Variants in NREP observed in about 807,000 individuals in gnomAD.
NREP encodes the protein neuronal regeneration-related protein.
NREP carries 5 observed loss-of-function variants against 8.6 expected under a neutral mutation model. The ratio of observed to expected loss-of-function variants is 0.58; its 90% CI spans 0.30 to 1.22. The LOEUF (loss-of-function observed/expected upper bound fraction) is 1.22. Among genes scored for constraint, NREP ranks in the 50% most tolerant of loss-of-function variants. The pLI is 0.07. For missense variants in NREP, 86 were observed against 82.5 expected (o/e 1.04, Z -0.17); for synonymous variants, 27 against 28.0 (o/e 0.96, Z 0.11).
chr5:111,764,440 A>C (rs1248615223), intron 2 of NREP, among the ~76,000 whole-genome samples: 2 of 152,224 alleles, frequency 1.3e-5, no homozygotes, highest in African/African-American at 4.8e-5. Context: ...GGCAAGAAGG[A>C]GCAAGTCACA....
At chr5:111,797,528 C>A (rs533231255) in intron 2 of NREP, among the ~76,000 whole-genome samples, 2 of 152,294 alleles carry the variant, frequency 1.3e-5, no homozygotes, top group South Asian at 4.1e-4. Flanking sequence ...TAAATATATA[C>A]TTTCTTTTAC....
chr5:111,941,079 A>G lies in NREP; in HGVS notation c.135+34195T>C, dbSNP rs577026345. On this transcript the variant is annotated intron_variant, in intron 2 of 3. Transcript: ENST00000395634. ...GGTTGTTGCTGGGAGAAACCACAGA[A>G]TAACTATGGGATCCCAGAAATCTCT... 5.2e-4 allele frequency among the ~76,000 whole-genome samples: 79 copies of G among 152,230 alleles called. 1 individual carries two copies. The highest frequency in any genetic ancestry group is 1.0e-3 in the Non-Finnish European group (70 of 67,972).
At chr5:111,784,662 C>T (rs1038089797) in intron 2 of NREP, among the ~76,000 whole-genome samples, 8 of 152,076 alleles carry the variant, frequency 5.3e-5, no homozygotes, top group Non-Finnish European at 5.9e-5. Flanking sequence ...TTCTCAAGGT[C>T]CTTAGTATAT....
intron 2 of NREP, among the ~76,000 whole-genome samples, chr5:111,956,811 A>G (rs1316994833): frequency 6.6e-6 from 1 of 151,998 alleles, no homozygotes; most frequent in Non-Finnish European, 1.5e-5. Context: ...TAAAAATACA[A>G]AAGTTAGCCA....
intron 2 of NREP, among the ~76,000 whole-genome samples, chr5:111,835,251 T>C (rs999718594): frequency 6.6e-6 from 1 of 152,120 alleles, no homozygotes; most frequent in Admixed American, 6.6e-5. Flanking sequence ...CTGGGCACAG[T>C]GCAGTAGCTA....
chr5:111,909,580 G>A (rs556984111), intron 2 of NREP, among the ~76,000 whole-genome samples: 60 of 152,200 alleles, frequency 3.9e-4, no homozygotes, highest in African/African-American at 1.4e-3. Context: ...ACATGAAGCA[G>A]TCCAAGTGTC....
chr5:111,737,460 T>G (rs1395997975), intron 2 of NREP, among the ~76,000 whole-genome samples: 1 of 152,132 alleles, frequency 6.6e-6, no homozygotes, highest in Admixed American at 6.5e-5. Context: ...ACCAAAAACG[T>G]TGATAAAAGT....
chr5:111,889,317 C>T (rs1463061976), intron 2 of NREP, among the ~76,000 whole-genome samples: 1 of 152,160 alleles, frequency 6.6e-6, no homozygotes, highest in Non-Finnish European at 1.5e-5. Context: ...AATCAGATCT[C>T]ATGATAACTC....
chr5:111,831,983 G>A (rs950626325), intron 2 of NREP, among the ~76,000 whole-genome samples: 1 of 152,100 alleles, frequency 6.6e-6, no homozygotes, highest in Non-Finnish European at 1.5e-5. Flanking sequence ...TAGGACAAAG[G>A]GTCTCTATGA....
intron 2 of NREP, among the ~76,000 whole-genome samples, chr5:111,841,360 TCTTTCCATC>T (rs1242615007): frequency 6.6e-6 from 1 of 152,188 alleles, no homozygotes; most frequent in Non-Finnish European, 1.5e-5. Flanking sequence ...TCAACAGCAT[TCTTTCCATC>T]CTTTCAGGAA....
intron 2 of NREP, among the ~76,000 whole-genome samples, chr5:111,842,582 T>C (rs765709099): frequency 9.2e-5 from 14 of 152,206 alleles, no homozygotes; most frequent in Non-Finnish European, 2.1e-4. Flanking sequence ...TTACCATTTT[T>C]GCCTTTTAAT....
chr5:111,891,784 C>A (rs556305509), intron 2 of NREP, among the ~76,000 whole-genome samples: 1 of 152,004 alleles, frequency 6.6e-6, no homozygotes, highest in Non-Finnish European at 1.5e-5. Flanking sequence ...CCAGATCTAG[C>A]GAGAACTCAC....
intron 2 of NREP, among the ~76,000 whole-genome samples, chr5:111,742,206 A>G (rs1194691745): frequency 6.6e-6 from 1 of 152,270 alleles, no homozygotes; most frequent in South Asian, 2.1e-4. Context: ...CCAACATTAC[A>G]TGTCAGGAAG....
intron 2 of NREP, among the ~76,000 whole-genome samples, chr5:111,933,112 G>A (rs932888281): frequency 3.9e-5 from 6 of 152,028 alleles, no homozygotes; most frequent in Non-Finnish European, 5.9e-5. Context: ...ATCAAACCAC[G>A]TTAAACCACC....
chr5:111,762,944 C>A (rs1750998328), intron 2 of NREP, among the ~76,000 whole-genome samples: 1 of 152,286 alleles, frequency 6.6e-6, no homozygotes, highest in East Asian at 1.9e-4. Flanking sequence ...AGGGCTTTAT[C>A]CAAACCCAGA....
chr5:111,768,921 C>T (rs1164773238), intron 2 of NREP, among the ~76,000 whole-genome samples: 1 of 152,186 alleles, frequency 6.6e-6, no homozygotes, highest in Non-Finnish European at 1.5e-5. Flanking sequence ...GTTTTAAGTT[C>T]TTTGAGAAAT....
intron 2 of NREP, among the ~76,000 whole-genome samples, chr5:111,799,068 T>G (rs549377288): frequency 6.6e-6 from 1 of 152,282 alleles, no homozygotes; most frequent in East Asian, 1.9e-4. Context: ...TCCTTTTCAC[T>G]AACACTTGGT....
chr5:111,879,112 G>A (rs755295890), intron 2 of NREP, among the ~76,000 whole-genome samples: 3 of 152,270 alleles, frequency 2.0e-5, no homozygotes, highest in South Asian at 2.1e-4. Context: ...GTTGTTTAAA[G>A]AGCCTGGCAA....
At chr5:111,736,277 A>G (rs1269830055) in intron 2 of NREP, among the ~76,000 whole-genome samples, 1 of 152,214 alleles carries the variant, frequency 6.6e-6, no homozygotes, top group African/African-American at 2.4e-5. Flanking sequence ...AAGAATTGTC[A>G]AATTACTAAA....
Sources: gnomAD v4.1 joint callset for allele counts (sites outside exome capture counted in the v4.1 genomes callset) on GRCh38, gnomAD v4.1.1 for gene constraint, MANE v1.5 for transcripts, NCBI Gene and HGNC (gene_info 2026-07-23, HGNC 2026-07-21) for gene names.